The following ZNF626 variants were observed in gnomAD, a reference collection of about 807,000 sequenced individuals.
ZNF626 encodes CTC-513N18.7.
Under a neutral mutation model 11.7 loss-of-function variants are expected in ZNF626, and 4 were observed. The observed-to-expected ratio is 0.34, with a 90% CI of 0.17 to 0.78. The LOEUF is 0.78. ZNF626 is among the 30% of genes least tolerant of loss of function. ZNF626 has a pLI of 0.57. For synonymous variants in ZNF626, 179 were observed against 198.6 expected (o/e 0.90, Z 0.83); for missense variants, 588 against 587.1 (o/e 1.00, Z -0.01).
chr19:20,638,698 G>A (rs1969992062), intron 3 of ZNF626, among the ~76,000 whole-genome samples: 1 of 151,904 alleles, frequency 6.6e-6, no homozygotes, highest in South Asian at 2.1e-4. Context: ...GACAAAGTTA[G>A]TTGATGTAGC....
At chr19:20,630,224 A>T (rs1439831264) in intron 3 of ZNF626, among the ~76,000 whole-genome samples, 1 of 152,122 alleles carries the variant, frequency 6.6e-6, no homozygotes, top group Non-Finnish European at 1.5e-5. Flanking sequence ...CATCAAGGAT[A>T]TTGGTCGAAA....
Position 20,625,605 on chromosome 19 carries a change from A to G in ZNF626, c.272T>C (p.Met91Thr). 1 of 1,593,738 alleles carries G rather than the reference A, an allele frequency of 6.3e-7. No individual in the cohort carries two copies. Among genetic ancestry groups the G allele is most frequent in the Non-Finnish European group, 8.5e-7 (1 of 1,170,894 alleles). Residue 91 changes from methionine to threonine, a missense_variant, in exon 4 of 4, where the codon ATG (methionine) becomes ACG (threonine). Physicochemically the swap from Met to Thr is moderately conservative, Grantham distance 81. Coordinates refer to ENST00000601440, the MANE Select transcript of ZNF626 (RefSeq NM_001076675.3). ...TACCACTTTTTGGAAAGAATCTTTC[A>G]TGCTCTGCTCTGGCCAAAGGTCTTG... ...FAQDLWPEQS[M>T]KDSFQKVVLR...
At chr19:20,630,412 A>AT (rs1568456046) in intron 3 of ZNF626, among the ~76,000 whole-genome samples, 10 of 151,754 alleles carry the variant, frequency 6.6e-5, no homozygotes, top group Admixed American at 2.0e-4. Context: ...CTGGTCCTGA[A>AT]CTTTTTTTGA....
At chr19:20,653,774 T>A (rs1173913098) in intron 1 of ZNF626, among the ~76,000 whole-genome samples, 1 of 152,202 alleles carries the variant, frequency 6.6e-6, no homozygotes, top group Non-Finnish European at 1.5e-5. Flanking sequence ...GGGGTCTATA[T>A]TGAAATACAT....
At chr19:20,625,814 A>G (rs1555769619) in intron 3 of ZNF626, among the ~76,000 whole-genome samples, 164 bp from the exon 4 acceptor site, 1 of 149,154 alleles carries the variant, frequency 6.7e-6, no homozygotes, top group African/African-American at 2.5e-5. Context: ...TAACAAAAAC[A>G]TACTGATCAA....
chr19:20,640,669 A>C (rs1434808866), intron 3 of ZNF626, among the ~76,000 whole-genome samples: 16 of 150,614 alleles, frequency 1.1e-4, no homozygotes, highest in Non-Finnish European at 2.1e-4. Flanking sequence ...AAAAAAAAAA[A>C]CACAATGACA....
intron 3 of ZNF626, among the ~76,000 whole-genome samples, chr19:20,642,478 C>A (rs1241313647): frequency 1.3e-5 from 2 of 152,064 alleles, no homozygotes; most frequent in Admixed American, 1.3e-4. Context: ...TGCCTGTAGT[C>A]CCAGCTATTC....
At chr19:20,627,368 T>C (rs933876699) in intron 3 of ZNF626, among the ~76,000 whole-genome samples, 1 of 152,076 alleles carries the variant, frequency 6.6e-6, no homozygotes, top group Non-Finnish European at 1.5e-5. Context: ...TTTTACCACA[T>C]TCAAATATAT....
chr19:20,648,213 C>T lies in ZNF626; in HGVS notation c.4-1808G>A, dbSNP rs117672016. On this transcript the variant is annotated intron_variant, in intron 1 of 3. Transcript: ENST00000601440. The stretch of plus-strand genomic sequence containing the variant: ...AAAAGAATCATCAGTTGTATACAAA[C>T]TTTAAAATACAGAAAACTCTATGTT... Among the ~76,000 whole-genome samples the T allele has an allele frequency of 2.5e-4, 37 of 149,502 alleles. No homozygotes were observed. The East Asian group carries it at 7.4e-3, about 30-fold the overall frequency.
At chr19:20,631,205 A>G (rs1470741107) in intron 3 of ZNF626, among the ~76,000 whole-genome samples, 1 of 151,810 alleles carries the variant, frequency 6.6e-6, no homozygotes, top group Non-Finnish European at 1.5e-5. Context: ...TATGTGGTCA[A>G]TTTTGAAGTA....
chr19:20,637,615 T>C (rs1599479073), intron 3 of ZNF626, among the ~76,000 whole-genome samples: 3 of 152,112 alleles, frequency 2.0e-5, no homozygotes, highest in South Asian at 2.1e-4. Flanking sequence ...AATTAAAACA[T>C]ATTGTTTTAA....
chr19:20,657,425 C>T (rs1414206265), intron 1 of ZNF626, among the ~76,000 whole-genome samples: 6 of 151,630 alleles, frequency 4.0e-5, no homozygotes, highest in Non-Finnish European at 1.5e-5. Context: ...GGTACATAAA[C>T]ATCATGGAAT....
chr19:20,632,802 G>A (rs1555770493), intron 3 of ZNF626, among the ~76,000 whole-genome samples: 1 of 152,146 alleles, frequency 6.6e-6, no homozygotes, highest in African/African-American at 2.4e-5. Flanking sequence ...GTCATTCTCT[G>A]TCCAGCTTTG....
chr19:20,640,747 T>C (rs1970015966), intron 3 of ZNF626, among the ~76,000 whole-genome samples: 1 of 151,850 alleles, frequency 6.6e-6, no homozygotes, highest in Admixed American at 6.6e-5. Context: ...AATCTGTTGA[T>C]GATGCAATAA....
At chr19:20,625,679 T>C (rs1225872854) in intron 3 of ZNF626, 29 bp from the exon 4 acceptor site, 1 of 1,511,222 alleles carries the variant, frequency 6.6e-7, no homozygotes. Context: ...ACACATTACT[T>C]CAATTGGTAG....
At chr19:20,652,967 T>A (rs1281035099) in intron 1 of ZNF626, among the ~76,000 whole-genome samples, 1 of 152,066 alleles carries the variant, frequency 6.6e-6, no homozygotes, top group African/African-American at 2.4e-5. Context: ...GATAAAAGAG[T>A]CACTGAAAGA....
At chr19:20,653,218 C>T (rs1555772746) in intron 1 of ZNF626, among the ~76,000 whole-genome samples, 1 of 152,124 alleles carries the variant, frequency 6.6e-6, no homozygotes, top group Non-Finnish European at 1.5e-5. Flanking sequence ...TAATTCTAGA[C>T]TGTTTGGAAA....
intron 1 of ZNF626, among the ~76,000 whole-genome samples, chr19:20,652,523 T>C (rs1204531860): frequency 6.6e-6 from 1 of 152,190 alleles, no homozygotes; most frequent in African/African-American, 2.4e-5. Context: ...ACATTGATTA[T>C]TGATTAGATA....
At chr19:20,628,921 A>C (rs1969871077) in intron 3 of ZNF626, among the ~76,000 whole-genome samples, 2 of 152,216 alleles carry the variant, frequency 1.3e-5, no homozygotes, top group Admixed American at 6.5e-5. Flanking sequence ...TTTAGGTCTA[A>C]CATTTAAGTC....
Sources: gnomAD v4.1 joint callset for allele counts (sites outside exome capture counted in the v4.1 genomes callset) on GRCh38, gnomAD v4.1.1 for gene constraint, MANE v1.5 for transcripts, NCBI Gene and HGNC (gene_info 2026-07-23, HGNC 2026-07-21) for gene names.